ST6GAL1: variants seen among roughly 807,000 people sequenced by gnomAD.
ST6GAL1 encodes ST6 beta-galactoside alpha-2,6-sialyltransferase 1.
A neutral mutation model predicts 38.0 loss-of-function variants in ST6GAL1; 20 were observed. That is an observed-to-expected ratio of 0.53 (90% CI 0.37 to 0.77). ST6GAL1 has a LOEUF of 0.77. ST6GAL1 is among the 30% of genes least tolerant of loss of function. The probability of loss-of-function intolerance (pLI) is 0.00; values close to 1 mark genes in which losing one functional copy is unlikely to be tolerated. For missense variants in ST6GAL1, 432 were observed against 496.4 expected (o/e 0.87, Z 1.23); for synonymous variants, 196 against 188.2 (o/e 1.04, Z -0.34).
rs80201186 is a variant in ST6GAL1 at position 187,064,570 on chromosome 3, G to A, written c.706-8279G>A. On this transcript the variant is annotated intron_variant, in intron 5 of 7. Transcript: ENST00000169298. ...CTGCGAGGAAGGTGGCCCACTTCCC[G>A]GGATACACTACCCACCCTCAAGAGA... 1.2e-4 allele frequency: 54 copies of A among 456,638 alleles called. No homozygotes were observed. In the East Asian group the frequency reaches 2.8e-3, roughly 24 times the overall value. 28.3% of individuals were successfully genotyped at this position (456,638 alleles called of 1,614,324 possible). A position where few individuals can be genotyped will look rare whatever the true frequency, so the allele number is the denominator to read the frequency against.
chr3:187,008,996 T>C (rs1249368957), intron 2 of ST6GAL1, among the ~76,000 whole-genome samples: 1 of 152,136 alleles, frequency 6.6e-6, no homozygotes, highest in Non-Finnish European at 1.5e-5. Flanking sequence ...TGATAATTCT[T>C]TTTTGGAGAT....
chr3:187,020,430 C>G (rs902791620), intron 2 of ST6GAL1, among the ~76,000 whole-genome samples: 1 of 152,232 alleles, frequency 6.6e-6, no homozygotes, highest in Non-Finnish European at 1.5e-5. Flanking sequence ...CCCCACCCCA[C>G]AGGGTGGTGG....
chr3:186,932,152 A>G (rs1055785791), intron 1 of ST6GAL1, among the ~76,000 whole-genome samples: 1 of 150,592 alleles, frequency 6.6e-6, no homozygotes, highest in Non-Finnish European at 1.5e-5. Context: ...CGGGGGGGGA[A>G]CTGGAGAGCC....
chr3:187,038,909 G>A (rs1274187926), intron 3 of ST6GAL1, 36 bp downstream of exon 3: 1 of 152,206 alleles, frequency 6.6e-6, no homozygotes, highest in Non-Finnish European at 1.5e-5. Context: ...TAGCAAAGGG[G>A]TACATTCCTG....
intron 2 of ST6GAL1, among the ~76,000 whole-genome samples, chr3:187,020,059 CA>C (rs1280839935): frequency 6.6e-6 from 1 of 152,078 alleles, no homozygotes; most frequent in African/African-American, 2.4e-5. Flanking sequence ...AGCACTTTGA[CA>C]GGCTGAGGCG....
At chr3:186,974,575 T>G (rs974817915) in intron 2 of ST6GAL1, among the ~76,000 whole-genome samples, 1 of 152,140 alleles carries the variant, frequency 6.6e-6, no homozygotes, top group African/African-American at 2.4e-5. Flanking sequence ...CACAATCCAG[T>G]TATAGAACAT....
intron 2 of ST6GAL1, among the ~76,000 whole-genome samples, chr3:186,999,232 ACTCG>A (rs1468688208): frequency 1.6e-4 from 25 of 151,948 alleles, no homozygotes; most frequent in African/African-American, 6.0e-4. Context: ...CATTAACACC[ACTCG>A]CCTCGTAGAA....
At chr3:186,956,986 A>AT (rs1396169469) in intron 1 of ST6GAL1, among the ~76,000 whole-genome samples, 1 of 152,256 alleles carries the variant, frequency 6.6e-6, no homozygotes, top group Non-Finnish European at 1.5e-5. Flanking sequence ...AGATAAGAGA[A>AT]TATGTTGCAT....
At chr3:187,065,344 CT>C in intron 5 of ST6GAL1, among the ~76,000 whole-genome samples, 1 of 152,272 alleles carries the variant, frequency 6.6e-6, no homozygotes, top group South Asian at 2.1e-4. Context: ...ATTTGTTCAG[CT>C]CCCCTCCCTT....
At chr3:186,966,289 C>G (rs1369121876) in intron 2 of ST6GAL1, among the ~76,000 whole-genome samples, 1 of 152,146 alleles carries the variant, frequency 6.6e-6, no homozygotes, top group Non-Finnish European at 1.5e-5. Context: ...ATGATGGTTC[C>G]CGGCACAGTG....
intron 1 of ST6GAL1, among the ~76,000 whole-genome samples, chr3:186,945,468 C>A (rs1714325368): frequency 6.6e-6 from 1 of 152,006 alleles, no homozygotes; most frequent in Non-Finnish European, 1.5e-5. Flanking sequence ...CTCAGGAAAC[C>A]CACTTGAGGA....
intron 2 of ST6GAL1, among the ~76,000 whole-genome samples, chr3:187,018,016 T>C (rs574249809): frequency 6.6e-6 from 1 of 152,266 alleles, no homozygotes; most frequent in African/African-American, 2.4e-5. Flanking sequence ...CATGTGAGAA[T>C]TCCGGGCAGC....
intron 5 of ST6GAL1, among the ~76,000 whole-genome samples, chr3:187,062,792 A>G (rs997296888): frequency 1.3e-5 from 2 of 152,104 alleles, no homozygotes; most frequent in Admixed American, 1.3e-4. Flanking sequence ...AAAATGGTTA[A>G]GATAGTCAAT....
At chr3:186,987,507 T>G (rs1715990396) in intron 2 of ST6GAL1, among the ~76,000 whole-genome samples, 1 of 152,200 alleles carries the variant, frequency 6.6e-6, no homozygotes, top group African/African-American at 2.4e-5. Context: ...GTCAGCCAGA[T>G]TCCCCAGCAC....
chr3:187,072,589 C>A, intron 5 of ST6GAL1: 1 of 413,840 alleles, frequency 2.4e-6, no homozygotes, highest in Non-Finnish European at 4.6e-6. Context: ...TACCCTTGCC[C>A]CCGTAATCTC....
intron 2 of ST6GAL1, among the ~76,000 whole-genome samples, chr3:187,024,284 G>T (rs563258598): frequency 1.3e-5 from 2 of 151,194 alleles, no homozygotes; most frequent in South Asian, 2.1e-4. Flanking sequence ...TAGTAGAGAC[G>T]GGGGTTTCAC....
Position 187,076,694 on chromosome 3 carries a change from G to A in ST6GAL1, c.*891G>A. ...AGGAAGAGAAGAAACATGGCAAGCA[G>A]ATTACATCTGAGCCGTTTGAATTGT... On this transcript the variant is annotated 3_prime_UTR_variant, in exon 8 of 8. Coordinates refer to ENST00000169298, the MANE Select transcript of ST6GAL1 (RefSeq NM_173216.2). 1 of 397,526 alleles carries A rather than the reference G, an allele frequency of 2.5e-6. No individual in the cohort carries two copies. The highest frequency in any genetic ancestry group is 4.4e-6 in the Non-Finnish European group (1 of 225,882). The allele number at this position is 397,526 out of a possible 1,614,324, so 24.6% of individuals were successfully genotyped here.
intron 5 of ST6GAL1, among the ~76,000 whole-genome samples, chr3:187,064,930 G>T (rs552596408): frequency 1.9e-4 from 29 of 152,050 alleles, no homozygotes; most frequent in African/African-American, 7.0e-4. Context: ...CTGTTGCTTT[G>T]GTAGAATTCT....
intron 2 of ST6GAL1, among the ~76,000 whole-genome samples, chr3:187,033,203 C>G (rs1041549078): frequency 6.6e-6 from 1 of 152,204 alleles, no homozygotes; most frequent in African/African-American, 2.4e-5. Flanking sequence ...CACCTGAGGT[C>G]AGGAGTTGAA....
Sources: allele counts gnomAD v4.1 joint callset (sites outside exome capture counted in the v4.1 genomes callset), GRCh38; gene constraint gnomAD v4.1.1; transcripts MANE v1.5; gene names NCBI Gene and HGNC (gene_info 2026-07-23, HGNC 2026-07-21).